Variants in TCN1 observed in about 807,000 individuals in gnomAD.
TCN1 encodes transcobalamin 1, also known as transcobalamin-1.
TCN1 carries 47 observed loss-of-function variants against 46.3 expected under a neutral mutation model. The observed-to-expected ratio is 1.01, with a 90% CI of 0.80 to 1.29. TCN1 has a LOEUF of 1.29. TCN1 is among the 50% of genes most tolerant of loss of function. TCN1 has a pLI of 0.00. For missense variants in TCN1, 532 were observed against 511.0 expected (o/e 1.04, Z -0.40); for synonymous variants, 183 against 192.5 (o/e 0.95, Z 0.41).
chr11:59,853,133 C>G (rs1388265591), intron 8 of TCN1, 70 bp downstream of exon 8: 1 of 1,598,534 alleles, frequency 6.3e-7, no homozygotes, highest in African/African-American at 1.3e-5. Context: ...GCCCAATCCC[C>G]ACAGAGGCTC....
chr11:59,861,597 T>G lies in TCN1; in HGVS notation c.486A>C (p.Ser162=), dbSNP rs1187418408. 1 of 1,614,028 alleles carries G rather than the reference T, an allele frequency of 6.2e-7. No homozygotes were observed. The highest frequency in any genetic ancestry group is 2.2e-5 in the East Asian group (1 of 44,886). The part of the protein sequence containing the change: ...LALCLFNGNY[S]TAEVVNHFTP... Reference sequence around the variant, plus strand: ...TGAAGTGGTTGACAACTTCGGCGGTTGAGTAGTTCCCATTGAACAGACACA... The same window carrying G: ...TGAAGTGGTTGACAACTTCGGCGGTGGAGTAGTTCCCATTGAACAGACACA... The change falls in exon 4 of 9, where the codon TCA becomes TCC. Residue 162 remains serine (S), a synonymous_variant. Transcript: ENST00000257264.
At chr11:59,864,579 G>A (rs1853052876) in intron 1 of TCN1, among the ~76,000 whole-genome samples, 1 of 152,050 alleles carries the variant, frequency 6.6e-6, no homozygotes, top group Admixed American at 6.6e-5. Context: ...TTATACTGGT[G>A]ATTGACCCCA....
chr11:59,861,299 G>A (rs146384521), intron 4 of TCN1, among the ~76,000 whole-genome samples: 1 of 152,282 alleles, frequency 6.6e-6, no homozygotes, highest in African/African-American at 2.4e-5. Context: ...ATAACCCAAA[G>A]AAGAGCTGGA....
chr11:59,862,277 C>G (rs1165580108), intron 3 of TCN1, among the ~76,000 whole-genome samples: 1 of 151,898 alleles, frequency 6.6e-6, no homozygotes, highest in Admixed American at 6.6e-5. Flanking sequence ...GACTTAAAGC[C>G]AAGCTCCTGG....
At chr11:59,862,744 C>A in intron 2 of TCN1, 22 bp from the exon 3 acceptor site, 2 of 1,612,408 alleles carry the variant, frequency 1.2e-6, no homozygotes, top group African/African-American at 1.3e-5. Context: ...AGTATTCAAG[C>A]TTAATAAGGT....
Position 59,853,325 on chromosome 11 carries a change from T to C in TCN1, c.1122-4A>G. On this transcript the variant is annotated splice_polypyrimidine_tract_variant and splice_region_variant and intron_variant, in intron 7 of 8. Coordinates refer to ENST00000257264, the MANE Select transcript of TCN1 (RefSeq NM_001062.4). Reference sequence around the variant, plus strand: ...TGAGCGCTCCTCCATTGTGAAACTGTGGGTGACAGCAAGTAGGTTACTGGA... The same window carrying C: ...TGAGCGCTCCTCCATTGTGAAACTGCGGGTGACAGCAAGTAGGTTACTGGA... 6.2e-7 allele frequency: 1 copy of C among 1,613,076 alleles called. No homozygotes were observed.
chr11:59,857,975 G>A (rs920097268), intron 5 of TCN1, among the ~76,000 whole-genome samples: 2 of 152,182 alleles, frequency 1.3e-5, no homozygotes, highest in African/African-American at 4.8e-5. Context: ...GTGGATGCCT[G>A]AAACCATGGA....
rs781533374 is a variant in TCN1, at chr11:59,855,940, T to G, written c.866A>C (p.Gln289Pro). 6.2e-7 allele frequency: 1 copy of G among 1,613,882 alleles called. No homozygotes were observed. The highest frequency in any genetic ancestry group is 8.5e-7 in the Non-Finnish European group (1 of 1,179,804). The change falls in exon 6 of 9, where the codon CAG becomes CCG. Residue 289 changes from glutamine to proline, a missense_variant. Gln to Pro is a moderately conservative substitution (Grantham distance 76). Transcript: ENST00000257264. ...CTTTCCCATCAGGGCAGGTAAGACC[T>G]GGGCTGCAGCGTTTGGATTGCTGAA... ...GAFSNPNAAAQVLPALMGKTF... is the reference protein window; with the variant it reads ...GAFSNPNAAAPVLPALMGKTF...
intron 2 of TCN1, 96 bp downstream of exon 2, chr11:59,863,811 G>A: frequency 7.3e-7 from 1 of 1,368,300 alleles, no homozygotes; most frequent in Non-Finnish European, 1.0e-6. Flanking sequence ...GATGTAGCAG[G>A]GATACTTTGG....
chr11:59,863,179 CTCT>C (rs1481960422), intron 2 of TCN1, among the ~76,000 whole-genome samples: 1 of 152,142 alleles, frequency 6.6e-6, no homozygotes, highest in Non-Finnish European at 1.5e-5. Flanking sequence ...TTTGATTCCT[CTCT>C]TCTTTATCCT....
rs1261639622 is a variant in TCN1, at chr11:59,855,888, A to C, written c.918T>G (p.Ser306=). Residue 306 remains serine, a synonymous_variant, in exon 6 of 9, where the codon TCT becomes TCG. Transcript: ENST00000257264. ...GKTFLDINKD[S]SCVSASGNFN... is the part of the protein sequence containing the mutation. ...TTATACCTGAAGCAGAGACGCAAGA[A>C]GAGTCTTTGTTAATATCCAAGAAGG... 2.5e-6 allele frequency: 4 copies of C among 1,613,758 alleles called. No individual in the cohort carries two copies. In the Admixed American group the frequency reaches 6.7e-5, roughly 27 times the overall value.
intron 5 of TCN1, among the ~76,000 whole-genome samples, chr11:59,856,393 C>T (rs374226115): frequency 6.6e-6 from 1 of 151,848 alleles, no homozygotes; most frequent in East Asian, 1.9e-4. Context: ...TAAATATTAA[C>T]AAACTACTGT....
At chr11:59,853,891 T>C (rs989932494) in intron 7 of TCN1, among the ~76,000 whole-genome samples, 2 of 152,232 alleles carry the variant, frequency 1.3e-5, no homozygotes, top group Non-Finnish European at 2.9e-5. Context: ...ATTCTGATTT[T>C]CTTTATAGCA....
chr11:59,858,978 T>C, intron 5 of TCN1, 99 bp downstream of exon 5: 1 of 1,390,178 alleles, frequency 7.2e-7, no homozygotes, highest in Non-Finnish European at 1.0e-6. Flanking sequence ...AACTCCAGCC[T>C]GGGCAACAAG....
At position 59,856,167 on chromosome 11, in the gene TCN1, A is replaced by C. The variant is rs183792863; in HGVS notation, c.748-109T>G. ...AGCCTTATCTATAACTATATATGTA[A>C]CTAATTCAGTATTAATTGAACATTG... On this transcript the variant is annotated intron_variant, in intron 5 of 8. Transcript: ENST00000257264. 223 of 842,596 alleles carry C rather than the reference A, an allele frequency of 2.6e-4. 3 individuals are homozygous for C. The East Asian group carries it at 5.5e-3, about 21-fold the overall frequency. The allele number at this position is 842,596 out of a possible 1,614,324, so 52.2% of individuals were successfully genotyped here.
chr11:59,861,339 A>G (rs1470044331), intron 4 of TCN1, among the ~76,000 whole-genome samples, 188 bp downstream of exon 4: 2 of 152,224 alleles, frequency 1.3e-5, no homozygotes, highest in Admixed American at 6.5e-5. Context: ...ACTATACCAC[A>G]CATCTAGAAA....
Position 59,855,989 on chromosome 11 carries a change from G to A in TCN1, c.817C>T (p.Leu273Phe), listed in dbSNP as rs760323855. Residue 273 changes from leucine to phenylalanine, a missense_variant, in exon 6 of 9, where the codon CTC becomes TTC. Physicochemically the swap from Leu to Phe is conservative, Grantham distance 22. Coordinates refer to ENST00000257264, the MANE Select transcript of TCN1 (RefSeq NM_001062.4). ...AATGCTCCTTGAGAAATTTCCGTGAGCACTGTATTCAGAGTTTGTTGGCAA... is the reference window on the plus strand; with the variant it reads ...AATGCTCCTTGAGAAATTTCCGTGAACACTGTATTCAGAGTTTGTTGGCAA... The part of the protein sequence containing the change: ...WNCQQTLNTV[L>F]TEISQGAFSN... 1 of 1,602,242 alleles carries A rather than the reference G, an allele frequency of 6.2e-7. No homozygotes were observed. Among genetic ancestry groups the A allele is most frequent in the Non-Finnish European group, 8.5e-7 (1 of 1,174,986 alleles).
chr11:59,860,572 A>AATAG (rs1853006389), intron 4 of TCN1, among the ~76,000 whole-genome samples: 1 of 151,984 alleles, frequency 6.6e-6, no homozygotes, highest in South Asian at 2.1e-4. Flanking sequence ...ATCTTTCTCT[A>AATAG]ATCTTTTAGC....
intron 1 of TCN1, 84 bp from the exon 2 acceptor site, chr11:59,864,170 T>G (rs1853047745): frequency 5.4e-6 from 8 of 1,469,560 alleles, no homozygotes; most frequent in Non-Finnish European, 7.6e-6. Flanking sequence ...AAATATTTAG[T>G]AACAGATATG....
Sources: allele counts gnomAD v4.1 joint callset (sites outside exome capture counted in the v4.1 genomes callset), GRCh38; gene constraint gnomAD v4.1.1; transcripts MANE v1.5; gene names NCBI Gene and HGNC (gene_info 2026-07-23, HGNC 2026-07-21).